The following ATP5F1A variants were observed in gnomAD, a reference collection of about 807,000 sequenced individuals.
The protein encoded by ATP5F1A is ATP synthase F1 subunit alpha, also known as ATP synthase F(1) complex subunit alpha, mitochondrial.
In ATP5F1A, 24 loss-of-function variants were observed where a neutral mutation model predicts 57.4. The ratio of observed to expected loss-of-function variants is 0.42; its 90% CI spans 0.30 to 0.59. The LOEUF (loss-of-function observed/expected upper bound fraction) is 0.59. Among genes scored for constraint, ATP5F1A ranks in the 20% least tolerant of loss-of-function variants. ATP5F1A has a pLI of 0.19. For missense variants in ATP5F1A, 494 were observed against 707.9 expected, an observed-to-expected ratio of 0.70 and a Z score of 3.43; for synonymous variants, 251 against 255.5, an observed-to-expected ratio of 0.98 and a Z score of 0.17.
At position 46,095,150 on chromosome 18, in the gene ATP5F1A, TA is replaced by T. The variant is rs770827087; in HGVS notation, c.61-20del. On this transcript the variant is annotated intron_variant, in intron 1 of 11. Transcript: ENST00000398752. ...TGGAGACCTAGTGCAAAAGTATTCTTAAAAATTTGATTTTTAACAAAGCCTT... is the reference window on the plus strand; with the variant it reads ...TGGAGACCTAGTGCAAAAGTATTCTTAAAATTTGATTTTTAACAAAGCCTT... 1.2e-6 allele frequency: 2 copies of T among 1,607,012 alleles called. No individual in the cohort carries two copies. Among genetic ancestry groups the T allele is most frequent in the South Asian group, 2.2e-5 (2 of 89,986 alleles).
chr18:46,085,868 G>A lies in ATP5F1A; in HGVS notation c.1429+245C>T, dbSNP rs558032990. The A allele has an allele frequency of 2.2e-5, 10 of 454,630 alleles. No individual in the cohort carries two copies. The East Asian group carries it at 3.8e-4, about 17-fold the overall frequency. 28.2% of individuals were successfully genotyped at this position (454,630 alleles called of 1,614,324 possible). On this transcript the variant is annotated intron_variant, in intron 10 of 11. Coordinates refer to ENST00000398752, the MANE Select transcript of ATP5F1A (RefSeq NM_004046.6). ...GAATCGCGTGAATCCAGGAGGTGGA[G>A]GTTGCAATGAGCCAAGGTTGCGCCA...
Position 46,085,654 on chromosome 18 carries a change from G to A in ATP5F1A, c.1429+459C>T, listed in dbSNP as rs755829420. 3 of 161,516 alleles carry A rather than the reference G, an allele frequency of 1.9e-5. No homozygotes were observed. The East Asian group carries it at 5.6e-4, about 30-fold the overall frequency. 10.0% of individuals were successfully genotyped at this position (161,516 alleles called of 1,614,324 possible). On this transcript the variant is annotated intron_variant, in intron 10 of 11. Transcript: ENST00000398752. ...TCTTTAAAAAACAGAATACAGGGCC[G>A]GGCATGGGGGCTCACACCTGTAATC...
intron 9 of ATP5F1A, 65 bp from the exon 10 acceptor site, chr18:46,086,322 A>G: frequency 1.2e-6 from 1 of 812,654 alleles, no homozygotes; most frequent in East Asian, 2.4e-5. Context: ...TATAGTTAAT[A>G]TATTAATACC....
chr18:46,086,005 A>C, intron 10 of ATP5F1A, 108 bp downstream of exon 10: 8 of 1,210,348 alleles, frequency 6.6e-6, no homozygotes, highest in Non-Finnish European at 9.0e-6. Flanking sequence ...GAAAGATAAC[A>C]GATAACAACA....
At position 46,080,572 on chromosome 18, in the gene ATP5F1A, G is replaced by A. The variant is rs1483441757; in HGVS notation, c.*3710C>T. ...ACTCTATAGCTCAGCAAAAACACCA[G>A]GGAAAGGACTATACAGTTTTAGGGG... On this transcript the variant is annotated 3_prime_UTR_variant, in exon 12 of 12. Transcript: ENST00000398752. The A allele has an allele frequency of 6.6e-6, 1 of 152,088 alleles. No individual in the cohort carries two copies. The highest frequency in any genetic ancestry group is 1.9e-4 in the East Asian group (1 of 5,168). 9.4% of individuals were successfully genotyped at this position (152,088 alleles called of 1,614,324 possible).
In ATP5F1A at chr18:46,094,770, C is replaced by T. The variant is rs1910820071; in HGVS notation, c.139+283G>A. ...AAGTCTTCCAGAGGTCACAAAGATT[C>T]CATTACCTAGTGTATGTTCTTTCTG... is the stretch of plus-strand genomic sequence containing the variant. On this transcript the variant is annotated intron_variant, in intron 2 of 11. Transcript: ENST00000398752. The T allele has an allele frequency of 1.1e-5, 3 of 278,226 alleles. No individual in the cohort carries two copies. The East Asian group carries it at 2.0e-4, about 18-fold the overall frequency. 17.2% of individuals were successfully genotyped at this position (278,226 alleles called of 1,614,324 possible).
chr18:46,103,508 G>A (rs1911349500), intron 1 of ATP5F1A, among the ~76,000 whole-genome samples: 1 of 150,424 alleles, frequency 6.6e-6, no homozygotes, highest in Admixed American at 6.7e-5. Flanking sequence ...GGCTGAGGCA[G>A]GAGAATCGCT....
Position 46,086,303 on chromosome 18 carries a change from C to T in ATP5F1A, c.1285-46G>A, listed in dbSNP as rs200046276. 62 of 1,610,626 alleles carry T rather than the reference C, an allele frequency of 3.8e-5. No homozygotes were observed. The East Asian group carries it at 1.2e-3, about 31-fold the overall frequency. The stretch of plus-strand genomic sequence containing the variant: ...TACTGTAACTCAGTGACACAGAGCA[C>T]TATACAAATATAGTTAATATATTAA... On this transcript the variant is annotated intron_variant, in intron 9 of 11. Coordinates refer to ENST00000398752, the MANE Select transcript of ATP5F1A (RefSeq NM_004046.6).
chr18:46,086,534 T>A (rs1399546093), intron 8 of ATP5F1A, 40 bp from the exon 9 acceptor site: 2 of 1,558,270 alleles, frequency 1.3e-6, no homozygotes, highest in African/African-American at 2.7e-5. Context: ...AAGCTTAAAG[T>A]AAGAAATCAA....
chr18:46,084,488 A>G lies in ATP5F1A; in HGVS notation c.1580+16T>C, dbSNP rs777825853. On this transcript the variant is annotated intron_variant, in intron 11 of 11. Coordinates refer to ENST00000398752, the MANE Select transcript of ATP5F1A (RefSeq NM_004046.6). Reference sequence around the variant, plus strand: ...AACATAACTTTAAAAAAAGATGCCAACAATTGCATTCATACCTGATAGTGC... The same window carrying G: ...AACATAACTTTAAAAAAAGATGCCAGCAATTGCATTCATACCTGATAGTGC... 3.2e-6 allele frequency: 5 copies of G among 1,579,688 alleles called. No homozygotes were observed. The highest frequency in any genetic ancestry group is 4.3e-6 in the Non-Finnish European group (5 of 1,167,560).
intron 1 of ATP5F1A, among the ~76,000 whole-genome samples, chr18:46,095,643 T>A (rs368919028): frequency 5.9e-5 from 9 of 151,514 alleles, no homozygotes; most frequent in African/African-American, 2.2e-4. Flanking sequence ...TGGGACAGGG[T>A]CTCACTCTTG....
At chr18:46,084,968 A>G in intron 10 of ATP5F1A, 1 of 225,084 alleles carries the variant, frequency 4.4e-6, no homozygotes, top group Admixed American at 5.7e-5. Context: ...ACAAAATAAA[A>G]ACGTATTAAC....
chr18:46,080,588 G>A lies in ATP5F1A; in HGVS notation c.*3694C>T, dbSNP rs954354096. The A allele has an allele frequency of 2.0e-5, 3 of 152,150 alleles. No homozygotes were observed. Among genetic ancestry groups the A allele is most frequent in the African/African-American group, 7.2e-5 (3 of 41,440 alleles). 9.4% of individuals were successfully genotyped at this position (152,150 alleles called of 1,614,324 possible). A position where few individuals can be genotyped will look rare whatever the true frequency, so the allele number is the denominator to read the frequency against. On this transcript the variant is annotated 3_prime_UTR_variant, in exon 12 of 12. Transcript: ENST00000398752. ...AAAACACCAGGGAAAGGACTATACAGTTTTAGGGGAGATCTTGAAGTCTTC... is the reference window on the plus strand; with the variant it reads ...AAAACACCAGGGAAAGGACTATACAATTTTAGGGGAGATCTTGAAGTCTTC...
At chr18:46,091,654 A>G (rs749875635) in intron 3 of ATP5F1A, 28 bp downstream of exon 3, 1 of 1,547,490 alleles carries the variant, frequency 6.5e-7, no homozygotes, top group East Asian at 2.3e-5. Flanking sequence ...TAGATCCTAA[A>G]ACACCAAAAT....
rs1909756699 is a variant in ATP5F1A, at chr18:46,081,684, A to AAAAAAAAAAAAAAAC, written c.*2597_*2598insGTTTTTTTTTTTTTT. ...TCAAAAAAAAAAAACAAAAAAAAAAAAAAAAAAAAAAAACGAAATGTGCAG... is the reference window on the plus strand; with the variant it reads ...TCAAAAAAAAAAAACAAAAAAAAAAAAAAAAAAAAAAAAACAAAAAAAAAAAAACGAAATGTGCAG... On this transcript the variant is annotated 3_prime_UTR_variant, in exon 12 of 12. Transcript: ENST00000398752. The AAAAAAAAAAAAAAAC allele has an allele frequency of 3.0e-5, 3 of 99,124 alleles. No individual in the cohort carries two copies. Among genetic ancestry groups the AAAAAAAAAAAAAAAC allele is most frequent in the African/African-American group, 1.3e-4 (3 of 23,110 alleles). The allele number at this position is 99,124 out of a possible 1,614,324, so 6.1% of individuals were successfully genotyped here.
In ATP5F1A at chr18:46,081,775, C is replaced by G. The variant is rs1909769088; in HGVS notation, c.*2507G>C. ...AAAATCAGATCTAGAAGTTATTTCT[C>G]AAGTAGCTAGAAAGCAAGAGTTGAT... On this transcript the variant is annotated 3_prime_UTR_variant, in exon 12 of 12. Transcript: ENST00000398752. 1 of 149,930 alleles carries G rather than the reference C, an allele frequency of 6.7e-6. No homozygotes were observed. Among genetic ancestry groups the G allele is most frequent in the Non-Finnish European group, 1.5e-5 (1 of 67,680 alleles). The allele number at this position is 149,930 out of a possible 1,614,324, so 9.3% of individuals were successfully genotyped here.
In ATP5F1A at chr18:46,084,101, A is replaced by T; in HGVS notation, c.*181T>A. 1 of 514,006 alleles carries T rather than the reference A, an allele frequency of 1.9e-6. No homozygotes were observed. The highest frequency in any genetic ancestry group is 3.3e-6 in the Non-Finnish European group (1 of 301,000). 31.8% of individuals were successfully genotyped at this position (514,006 alleles called of 1,614,324 possible). On this transcript the variant is annotated 3_prime_UTR_variant, in exon 12 of 12. Coordinates refer to ENST00000398752, the MANE Select transcript of ATP5F1A (RefSeq NM_004046.6). ...AGAAGCATTTGCTTACCAATTTCTCAATTTGATCTTGGTTTTAAAGAATAA... is the reference window on the plus strand; with the variant it reads ...AGAAGCATTTGCTTACCAATTTCTCTATTTGATCTTGGTTTTAAAGAATAA...
At chr18:46,089,755 A>G (rs780985831) in intron 4 of ATP5F1A, 23 bp from the exon 5 acceptor site, 1 of 1,612,552 alleles carries the variant, frequency 6.2e-7, no homozygotes, top group East Asian at 2.2e-5. Flanking sequence ...AAAAAGAAAA[A>G]CCCTAAGCAT....
chr18:46,090,368 A>C (rs981827111), intron 3 of ATP5F1A, among the ~76,000 whole-genome samples: 1 of 152,216 alleles, frequency 6.6e-6, no homozygotes, highest in Non-Finnish European at 1.5e-5. Context: ...CCAAATGGAA[A>C]TCTTAAGACA....
Sources: gnomAD v4.1 joint callset for allele counts (sites outside exome capture counted in the v4.1 genomes callset) on GRCh38, gnomAD v4.1.1 for gene constraint, MANE v1.5 for transcripts, NCBI Gene and HGNC (gene_info 2026-07-23, HGNC 2026-07-21) for gene names.